Variants in NOC2L observed in about 807,000 individuals in gnomAD.
NOC2L encodes the protein nucleolar complex protein 2 homolog.
A neutral mutation model predicts 94.2 loss-of-function variants in NOC2L; 101 were observed. The ratio of observed to expected loss-of-function variants is 1.07; its 90% CI spans 0.91 to 1.26. NOC2L has a LOEUF of 1.26. Among genes scored for constraint, NOC2L ranks in the 50% most tolerant of loss-of-function variants. NOC2L has a pLI of 0.00. For missense variants in NOC2L, 1,076 were observed against 980.1 expected, an observed-to-expected ratio of 1.10 and a Z score of -1.31; for synonymous variants, 531 against 413.4, an observed-to-expected ratio of 1.28 and a Z score of -3.45.
At chr1:949,022 C>T (rs114651174) in intron 12 of NOC2L, among the ~76,000 whole-genome samples, 1 of 127,854 alleles carries the variant, frequency 7.8e-6, no homozygotes, top group Non-Finnish European at 1.7e-5. Flanking sequence ...GGCTCCGTCC[C>T]GAGCAACCAG....
At position 956,099 on chromosome 1, in the gene NOC2L, A is replaced by G. The variant is rs142175759; in HGVS notation, c.603T>C (p.Ser201=). 5 of 1,614,086 alleles carry G rather than the reference A, an allele frequency of 3.1e-6. No individual in the cohort carries two copies. In the South Asian group the frequency reaches 4.4e-5, roughly 14 times the overall value. ...CCAGGCTCCCCCCAAGCTCACCAGCACTGTCCGTGACCTGGAATTTGTTGG... is the reference window on the plus strand; with the variant it reads ...CCAGGCTCCCCCCAAGCTCACCAGCGCTGTCCGTGACCTGGAATTTGTTGG... ...AEANKFQVTD[S]AAFNALVTFC... The change falls in exon 5 of 19, where the codon AGT becomes AGC. Residue 201 remains serine, a synonymous_variant. Coordinates refer to ENST00000327044, the MANE Select transcript of NOC2L (RefSeq NM_015658.4).
intron 9 of NOC2L, 80 bp from the exon 10 acceptor site, chr1:952,680 C>A (rs1387731403): frequency 1.6e-5 from 22 of 1,408,602 alleles, no homozygotes; most frequent in Non-Finnish European, 2.2e-5. Context: ...CCTGTGAACA[C>A]CTGGGCCTTT....
chr1:944,854 C>G, intron 18 of NOC2L, 54 bp from the exon 19 acceptor site: 9 of 1,373,924 alleles, frequency 6.6e-6, no homozygotes, highest in Non-Finnish European at 9.0e-6. Context: ...AAGAAGCCAG[C>G]CTTAGAGGTT....
chr1:951,256 G>C lies in NOC2L; in HGVS notation c.1332-18C>G, dbSNP rs372678845. On this transcript the variant is annotated intron_variant, in intron 11 of 18. Transcript: ENST00000327044. ...GGATGAGCCTGGGGGTGGGAAGGCCGAGTGAGCAGAGGCCCCGGCTCTGGC... is the reference window on the plus strand; with the variant it reads ...GGATGAGCCTGGGGGTGGGAAGGCCCAGTGAGCAGAGGCCCCGGCTCTGGC... 6.5e-7 allele frequency: 1 copy of C among 1,539,074 alleles called. No homozygotes were observed. The highest frequency in any genetic ancestry group is 1.2e-5 in the South Asian group (1 of 84,318).
At chr1:945,336 C>T in intron 17 of NOC2L, 182 bp downstream of exon 17, 1 of 953,942 alleles carries the variant, frequency 1.0e-6, no homozygotes, top group Non-Finnish European at 1.5e-6. Flanking sequence ...TCCCAGTAGG[C>T]CTTCACTTCA....
At position 945,118 on chromosome 1, in the gene NOC2L, A is replaced by G. The variant is rs1490256453; in HGVS notation, c.2082T>C (p.His694=). The change falls in exon 18 of 19, where the codon CAT becomes CAC. Residue 694 remains histidine (H), a synonymous_variant. Coordinates refer to ENST00000327044, the MANE Select transcript of NOC2L (RefSeq NM_015658.4). ...RGILRPLSTR[H]GVEDDEEDEE... ...CGTCCTCTTCATCGTCTTCCACCCCATGCCGAGTGCTCAGGGGCCTCAGTA... is the reference window on the plus strand; with the variant it reads ...CGTCCTCTTCATCGTCTTCCACCCCGTGCCGAGTGCTCAGGGGCCTCAGTA... 1 of 1,612,704 alleles carries G rather than the reference A, an allele frequency of 6.2e-7. No individual in the cohort carries two copies. Among genetic ancestry groups the G allele is most frequent in the Non-Finnish European group, 8.5e-7 (1 of 1,179,336 alleles).
Position 946,475 on chromosome 1 carries a change from A to T in NOC2L, c.1730T>A (p.Val577Asp). ...CRQVQQLLGK[V>D]QENSAYICSR... is the part of the protein sequence containing the mutation. ...GCAGATGTATGCCGAGTTCTCCTGAACCTTCCCAAGCAGCTGCTGCACCTG... is the reference window on the plus strand; with the variant it reads ...GCAGATGTATGCCGAGTTCTCCTGATCCTTCCCAAGCAGCTGCTGCACCTG... The change falls in exon 15 of 19, where the codon GTT (valine) becomes GAT (aspartate). Residue 577 changes from valine to aspartate, a missense_variant. This residue lies in a region of NOC2L where 615 missense variants were observed against 577.4 expected (regional missense o/e 1.07). Transcript: ENST00000327044. The T allele has an allele frequency of 6.2e-7, 1 of 1,613,082 alleles. No homozygotes were observed. Among genetic ancestry groups the T allele is most frequent in the Non-Finnish European group, 8.5e-7 (1 of 1,179,960 alleles).
chr1:954,761 G>T (rs1056238422), intron 6 of NOC2L, among the ~76,000 whole-genome samples: 1 of 151,996 alleles, frequency 6.6e-6, no homozygotes, highest in South Asian at 2.1e-4. Flanking sequence ...CAGAAGGTAC[G>T]TGTCGCAGTG....
intron 2 of NOC2L, 51 bp from the exon 3 acceptor site, chr1:957,324 C>G: frequency 6.4e-7 from 1 of 1,571,782 alleles, no homozygotes; most frequent in Admixed American, 1.7e-5. Flanking sequence ...GTAGAGGGGG[C>G]GGGGAGTGGC....
intron 16 of NOC2L, 59 bp downstream of exon 16, chr1:946,114 G>C: frequency 8.0e-7 from 1 of 1,253,544 alleles, no homozygotes; most frequent in East Asian, 2.3e-5. Flanking sequence ...GTCATAGTGC[G>C]CTAGATCTGA....
At position 944,394 on chromosome 1, in the gene NOC2L, G is replaced by T. The variant is rs924278409; in HGVS notation, c.*300C>A. On this transcript the variant is annotated 3_prime_UTR_variant, in exon 19 of 19. Coordinates refer to ENST00000327044, the MANE Select transcript of NOC2L (RefSeq NM_015658.4). ...GCAGAGGTGGTGGAAGGGGCCAGGG[G>T]CCTGCAGGCCTCCCCCTGGAACTGG... The T allele has an allele frequency of 4.2e-5, 53 of 1,259,990 alleles. No homozygotes were observed. In the African/African-American group the frequency reaches 4.8e-4, roughly 11 times the overall value. The allele number at this position is 1,259,990 out of a possible 1,614,324, so 78.1% of individuals were successfully genotyped here.
intron 4 of NOC2L, among the ~76,000 whole-genome samples, chr1:956,476 G>C (rs1296969947): frequency 1.3e-5 from 2 of 152,160 alleles, no homozygotes. Context: ...CCTCCAGGTG[G>C]TATCTGGAGC....
In NOC2L at chr1:945,675, G is replaced by C. The variant is rs200256358; in HGVS notation, c.1918-22C>G. 5.6e-6 allele frequency: 9 copies of C among 1,613,992 alleles called. No individual in the cohort carries two copies. In the African/African-American group the frequency reaches 1.2e-4, roughly 22 times the overall value. ...CCAGCTGGAAGGCCAAAGAACCAGG[G>C]GCTCAGGTGAGAGAGGGCAGGGGCT... is the stretch of plus-strand genomic sequence containing the variant. On this transcript the variant is annotated intron_variant, in intron 16 of 18. Transcript: ENST00000327044.
At chr1:950,035 C>T (rs921124301) in intron 12 of NOC2L, among the ~76,000 whole-genome samples, 3 of 152,234 alleles carry the variant, frequency 2.0e-5, no homozygotes, top group African/African-American at 7.2e-5. Flanking sequence ...GGACTCCAAT[C>T]TTTCCCTACC....
Position 946,535 on chromosome 1 carries a change from AACG to A in NOC2L, c.1667_1669del (p.Ser556del). 1 of 1,612,166 alleles carries A rather than the reference AACG, an allele frequency of 6.2e-7. No individual in the cohort carries two copies. On this transcript the variant is annotated inframe_deletion, in exon 15 of 19. Coordinates refer to ENST00000327044, the MANE Select transcript of NOC2L (RefSeq NM_015658.4). ...GTTGGCCACCTTGCACTCCCGGAGG[AACG>A]ACTTCAGCTGCGGAAGGGAGGGGTC...
intron 4 of NOC2L, 150 bp from the exon 5 acceptor site, chr1:956,365 A>G (rs1642401465): frequency 1.2e-6 from 1 of 833,260 alleles, no homozygotes; most frequent in Non-Finnish European, 1.8e-6. Context: ...TACTGATAAC[A>G]AAAATGGAAA....
In NOC2L at chr1:953,193, G is replaced by A. The variant is rs113292586; in HGVS notation, c.984C>T (p.Phe328=). 7 of 1,612,706 alleles carry A rather than the reference G, an allele frequency of 4.3e-6. No individual in the cohort carries two copies. In the South Asian group the frequency reaches 7.7e-5, roughly 18 times the overall value. ...CCACTACCTTGAGGACGGGGCCAAG[G>A]AAAGTGTCCTTCTTGTGCCGGCAGA... ...SRVCRHKKDT[F]LGPVLKQMYI... The change falls in exon 9 of 19, where the codon TTC becomes TTT. Residue 328 remains phenylalanine, a synonymous_variant. Coordinates refer to ENST00000327044, the MANE Select transcript of NOC2L (RefSeq NM_015658.4).
intron 2 of NOC2L, chr1:958,510 A>G (rs1173812070): frequency 8.2e-6 from 3 of 364,798 alleles, no homozygotes; most frequent in African/African-American, 6.3e-5. Context: ...TCGGCCTCCC[A>G]AAGTGCTGGC....
intron 2 of NOC2L, 77 bp downstream of exon 2, chr1:958,852 C>CA: frequency 6.6e-7 from 1 of 1,514,614 alleles, no homozygotes; most frequent in Non-Finnish European, 9.2e-7. Context: ...GGCCCTGAGA[C>CA]CCCAGGCGAG....
Sources: gnomAD v4.1 joint callset for allele counts (sites outside exome capture counted in the v4.1 genomes callset) on GRCh38, gnomAD v4.1.1 for gene constraint, gnomAD v4.1.1 regional missense constraint, MANE v1.5 for transcripts, NCBI Gene and HGNC (gene_info 2026-07-23, HGNC 2026-07-21) for gene names.